The following INTS9 variants were observed in gnomAD, a reference collection of about 807,000 sequenced individuals.
The protein encoded by INTS9 is protein related to CPSF subunits of 74 kDa.
A neutral mutation model predicts 79.7 loss-of-function variants in INTS9; 55 were observed. The ratio of observed to expected loss-of-function variants is 0.69; its 90% CI spans 0.56 to 0.86. INTS9 has a LOEUF of 0.86. Ranked by LOEUF, INTS9 falls within the 40% of genes least tolerant of loss-of-function variation. INTS9 has a pLI of 0.00. For synonymous variants in INTS9, 319 were observed against 325.2 expected, an observed-to-expected ratio of 0.98 and a Z score of 0.20; for missense variants, 721 against 831.5, an observed-to-expected ratio of 0.87 and a Z score of 1.64.
chr8:28,792,120 A>G (rs1467518800), intron 10 of INTS9, among the ~76,000 whole-genome samples: 1 of 152,232 alleles, frequency 6.6e-6, no homozygotes, highest in African/African-American at 2.4e-5. Context: ...TGAATGGATC[A>G]CTCAATCAGG....
intron 9 of INTS9, among the ~76,000 whole-genome samples, chr8:28,796,241 C>T (rs1479366135): frequency 1.3e-5 from 2 of 152,170 alleles, no homozygotes; most frequent in Admixed American, 6.6e-5. Context: ...ACCCAGCAGA[C>T]AGAGGTTGCA....
chr8:28,788,092 A>AT (rs1266206625), intron 10 of INTS9, among the ~76,000 whole-genome samples: 1 of 152,184 alleles, frequency 6.6e-6, no homozygotes, highest in Non-Finnish European at 1.5e-5. Context: ...TTCTCAATAC[A>AT]TTTTTTCTTA....
At chr8:28,816,154 A>C (rs1805462810) in intron 6 of INTS9, among the ~76,000 whole-genome samples, 2 of 151,836 alleles carry the variant, frequency 1.3e-5, no homozygotes, top group South Asian at 4.1e-4. Flanking sequence ...CTTTTTTAAA[A>C]ATTTTATTAT....
rs546079594 is a variant in INTS9 at position 28,815,985 on chromosome 8, C to T, written c.489-2373G>A. The stretch of plus-strand genomic sequence containing the variant: ...AAACCTTTGGGATCTAGGAAAAGAA[C>T]AAGTGACTTACAAGGAAAGAAAATT... On this transcript the variant is annotated intron_variant, in intron 6 of 16. Coordinates refer to ENST00000521022, the MANE Select transcript of INTS9 (RefSeq NM_018250.4). Among the ~76,000 whole-genome samples, 3 of 151,856 alleles carry T rather than the reference C, an allele frequency of 2.0e-5. No individual in the cohort carries two copies. The South Asian group carries it at 6.2e-4, about 32-fold the overall frequency.
intron 12 of INTS9, 177 bp downstream of exon 12, chr8:28,780,646 G>A (rs959271517): frequency 4.1e-6 from 4 of 985,288 alleles, no homozygotes; most frequent in Non-Finnish European, 4.8e-6. Flanking sequence ...GCTGTCCAAT[G>A]GCACACACTG....
chr8:28,864,383 A>G (rs1281895223), intron 1 of INTS9, among the ~76,000 whole-genome samples: 2 of 152,252 alleles, frequency 1.3e-5, no homozygotes, highest in African/African-American at 4.8e-5. Context: ...AGGTATATTC[A>G]AGATTATATT....
At chr8:28,799,296 C>G (rs7017773) in intron 8 of INTS9, 30,400 of 152,840 alleles carry the variant, frequency 0.2, 3,418 homozygotes, top group East Asian at 0.46. Flanking sequence ...AACTCCGTCT[C>G]AAACAAAACA....
At position 28,791,617 on chromosome 8, in the gene INTS9, G is replaced by A. The variant is rs76049226; in HGVS notation, c.1037+2190C>T. On this transcript the variant is annotated intron_variant, in intron 10 of 16. Coordinates refer to ENST00000521022, the MANE Select transcript of INTS9 (RefSeq NM_018250.4). ...TTCTCTGAATACCATACAGATATAC[G>A]TAGGTGTGTGTGTGGGTATGTGTGT... Among the ~76,000 whole-genome samples the A allele has an allele frequency of 6.6e-4, 100 of 152,278 alleles. 2 individuals carry two copies. The East Asian group carries it at 0.015, about 23-fold the overall frequency.
chr8:28,823,753 T>C (rs750103805), intron 6 of INTS9, among the ~76,000 whole-genome samples: 2 of 149,664 alleles, frequency 1.3e-5, no homozygotes, highest in Non-Finnish European at 3.0e-5. Context: ...GAAAACAAGG[T>C]AATTAACTCA....
intron 13 of INTS9, among the ~76,000 whole-genome samples, chr8:28,776,427 G>GTTTT (rs72163162): frequency 8.2e-5 from 7 of 85,356 alleles, no homozygotes; most frequent in Admixed American, 2.4e-4. Context: ...CAGAGGCAGA[G>GTTTT]TTTTTTTTTT....
chr8:28,771,311 T>A (rs1322960173), intron 14 of INTS9: 2 of 548,544 alleles, frequency 3.6e-6, no homozygotes, highest in African/African-American at 1.9e-5. Flanking sequence ...AGGTGACCAG[T>A]GGCAGGAAGG....
In INTS9 at chr8:28,780,907, C is replaced by G; in HGVS notation, c.1186G>C (p.Gly396Arg). Reference protein sequence around the residue: ...DFRQPCVVFTGHPSLRFGDVV... With the variant: ...DFRQPCVVFTRHPSLRFGDVV... ...TCCCCGAAGCGGAGGGAAGGGTGCC[C>G]GGTGAACACCACACAGGGCTGTCTA... The change falls in exon 12 of 17, where the codon GGG becomes CGG. Residue 396 changes from glycine (G) to arginine (R), a missense_variant. Coordinates refer to ENST00000521022, the MANE Select transcript of INTS9 (RefSeq NM_018250.4). 3.7e-6 allele frequency: 6 copies of G among 1,614,146 alleles called. No individual in the cohort carries two copies. Among genetic ancestry groups the G allele is most frequent in the Non-Finnish European group, 5.1e-6 (6 of 1,180,028 alleles).
At chr8:28,791,399 C>T (rs1487089427) in intron 10 of INTS9, among the ~76,000 whole-genome samples, 1 of 152,120 alleles carries the variant, frequency 6.6e-6, no homozygotes, top group Non-Finnish European at 1.5e-5. Flanking sequence ...GTTCTCTGAA[C>T]AAACCAAACC....
intron 14 of INTS9, among the ~76,000 whole-genome samples, chr8:28,774,964 T>C (rs975391058): frequency 1.3e-5 from 2 of 152,334 alleles, no homozygotes; most frequent in Admixed American, 1.3e-4. Context: ...TTCACAGACC[T>C]ATAAAATACT....
At chr8:28,877,843 G>C (rs1563315673) in intron 1 of INTS9, among the ~76,000 whole-genome samples, 1 of 152,154 alleles carries the variant, frequency 6.6e-6, no homozygotes, top group Non-Finnish European at 1.5e-5. Context: ...TTGGGGGAGG[G>C]TGTTGGTGGT....
At chr8:28,794,139 C>T (rs1804067227) in intron 9 of INTS9, 152 bp from the exon 10 acceptor site, 3 of 589,540 alleles carry the variant, frequency 5.1e-6, no homozygotes, top group Non-Finnish European at 8.3e-6. Flanking sequence ...TTGAAGAACA[C>T]ATCAAAGCAG....
intron 1 of INTS9, among the ~76,000 whole-genome samples, chr8:28,863,710 A>G (rs1808576016): frequency 6.6e-6 from 1 of 152,222 alleles, no homozygotes; most frequent in Non-Finnish European, 1.5e-5. Context: ...TGAGCCCAGG[A>G]GGCAGAGGTT....
intron 1 of INTS9, among the ~76,000 whole-genome samples, chr8:28,870,237 G>A (rs1018888299): frequency 6.6e-6 from 1 of 150,986 alleles, no homozygotes; most frequent in Non-Finnish European, 1.5e-5. Context: ...CCACAGGGGC[G>A]AGTGGTTGAT....
At chr8:28,794,049 A>G in intron 9 of INTS9, 62 bp from the exon 10 acceptor site, 1 of 1,142,540 alleles carries the variant, frequency 8.8e-7, no homozygotes, top group East Asian at 3.1e-5. Context: ...TTATAAAGAT[A>G]AACTTGTAAA....
Sources: gnomAD v4.1 joint callset for allele counts (sites outside exome capture counted in the v4.1 genomes callset) on GRCh38, gnomAD v4.1.1 for gene constraint, MANE v1.5 for transcripts, NCBI Gene and HGNC (gene_info 2026-07-23, HGNC 2026-07-21) for gene names.